MYO9A: variants seen among roughly 807,000 people sequenced by gnomAD.
MYO9A encodes the protein unconventional myosin-IXa.
MYO9A carries 103 observed loss-of-function variants against 293.3 expected under a neutral mutation model. That is an observed-to-expected ratio of 0.35 (90% CI 0.30 to 0.41). MYO9A has a LOEUF of 0.41. Ranked by LOEUF, MYO9A falls within the 10% of genes least tolerant of loss-of-function variation. The pLI is 1.00. For synonymous variants in MYO9A, 1,001 were observed against 1,035.7 expected, an observed-to-expected ratio of 0.97 and a Z score of 0.64; for missense variants, 2,685 against 3,033.0, an observed-to-expected ratio of 0.89 and a Z score of 2.69.
Position 71,826,717 on chromosome 15 carries a change from T to G in MYO9A, c.7510A>C (p.Asn2504His), listed in dbSNP as rs1049822826. Residue 2504 changes from asparagine to histidine, a missense_variant, in exon 42 of 42, where the codon AAT (asparagine) becomes CAT (histidine). By Grantham distance (68) the Asn-to-His change is moderately conservative. Around this residue, in one of 10 missense-constraint regions of MYO9A, gnomAD observed 350 missense variants for 328.9 expected, o/e 1.06. Transcript: ENST00000356056. ...GTTTTCTGAGGTGAGTTTTTCACAT[T>G]CTTTAATTTTTGTTTGCCCTTTTCC... is the stretch of plus-strand genomic sequence containing the variant. Reference protein sequence around the residue: ...NPEKGKQKLKNVKNSPQKTKE... With the variant: ...NPEKGKQKLKHVKNSPQKTKE... The G allele has an allele frequency of 6.2e-7, 1 of 1,614,168 alleles. No individual in the cohort carries two copies. Among genetic ancestry groups the G allele is most frequent in the Non-Finnish European group, 8.5e-7 (1 of 1,179,996 alleles).
chr15:71,872,485 AAC>A (rs2056545502), intron 32 of MYO9A, among the ~76,000 whole-genome samples: 1 of 152,158 alleles, frequency 6.6e-6, no homozygotes, highest in South Asian at 2.1e-4. Context: ...CTATGTTCCC[AAC>A]ACACAGAAAT....
intron 11 of MYO9A, among the ~76,000 whole-genome samples, chr15:71,980,021 CT>C (rs896686827): frequency 3.3e-5 from 5 of 150,870 alleles, no homozygotes; most frequent in East Asian, 3.9e-4. Flanking sequence ...CTACTTTTTT[CT>C]TTTTTTTTAA....
At chr15:71,942,979 T>C (rs1281968668) in intron 15 of MYO9A, among the ~76,000 whole-genome samples, 1 of 152,090 alleles carries the variant, frequency 6.6e-6, no homozygotes, top group African/African-American at 2.4e-5. Flanking sequence ...ATAATTGCTA[T>C]CATTCATATT....
At chr15:72,083,861 G>A (rs560277481) in intron 1 of MYO9A, among the ~76,000 whole-genome samples, 3 of 152,230 alleles carry the variant, frequency 2.0e-5, no homozygotes, top group African/African-American at 7.2e-5. Flanking sequence ...TGGCCCAAGA[G>A]AGTGGTTGTT....
chr15:71,920,402 G>A (rs949911157), intron 18 of MYO9A, among the ~76,000 whole-genome samples: 2 of 152,130 alleles, frequency 1.3e-5, no homozygotes, highest in Admixed American at 1.3e-4. Context: ...TAGCTGGGTA[G>A]TGGTATTAGT....
At chr15:71,916,224 C>A (rs1225821961) in intron 19 of MYO9A, 146 bp downstream of exon 19, 5 of 883,938 alleles carry the variant, frequency 5.7e-6, no homozygotes, top group South Asian at 7.1e-5. Context: ...ATCTTTGGTT[C>A]TTTTTTCCAA....
chr15:72,066,318 T>C (rs2079019942), intron 1 of MYO9A, among the ~76,000 whole-genome samples: 1 of 151,926 alleles, frequency 6.6e-6, no homozygotes. Flanking sequence ...GAAACCCGCC[T>C]CTACTAAAAC....
intron 39 of MYO9A, among the ~76,000 whole-genome samples, chr15:71,840,873 C>T (rs939867545): frequency 3.9e-5 from 6 of 152,316 alleles, no homozygotes; most frequent in Admixed American, 3.9e-4. Context: ...CCTCGTGATC[C>T]GCCCACCTCG....
chr15:72,081,190 ATATGTG>A (rs2079533424), intron 1 of MYO9A, among the ~76,000 whole-genome samples: 1 of 152,122 alleles, frequency 6.6e-6, no homozygotes, highest in Non-Finnish European at 1.5e-5. Context: ...CCAACTCTGT[ATATGTG>A]TTCCTTTTTC....
chr15:71,969,922 A>G (rs1784495739), intron 12 of MYO9A, among the ~76,000 whole-genome samples: 2 of 152,212 alleles, frequency 1.3e-5, no homozygotes, highest in South Asian at 4.1e-4. Flanking sequence ...GAGAACCTCT[A>G]GAGATTTGAA....
chr15:71,975,423 G>GTGTGTGTA (rs1386339311), intron 12 of MYO9A, among the ~76,000 whole-genome samples: 3 of 151,350 alleles, frequency 2.0e-5, no homozygotes, highest in Non-Finnish European at 4.4e-5. Flanking sequence ...GTGTGTGTGT[G>GTGTGTGTA]TGTGTAGGTT....
chr15:71,906,168 T>A (rs1346303448), intron 19 of MYO9A, among the ~76,000 whole-genome samples: 1 of 152,188 alleles, frequency 6.6e-6, no homozygotes, highest in Non-Finnish European at 1.5e-5. Flanking sequence ...CTGGTTTAAT[T>A]CTATTATAAA....
intron 15 of MYO9A, among the ~76,000 whole-genome samples, chr15:71,940,573 C>T (rs2058749152): frequency 6.6e-6 from 1 of 151,958 alleles, no homozygotes; most frequent in African/African-American, 2.4e-5. Flanking sequence ...TATAAAATGT[C>T]TACATTGAAA....
At position 71,856,573 on chromosome 15, in the gene MYO9A, C is replaced by T. The variant is rs575492690; in HGVS notation, c.6154-2004G>A. On this transcript the variant is annotated intron_variant, in intron 34 of 41. Transcript: ENST00000356056. ...AAAGGTAGGCAGAGCAAAGTGGCTA[C>T]GGAAATGAAGCTACCAGATAATTTT... Among the ~76,000 whole-genome samples, 7 of 152,142 alleles carry T rather than the reference C, an allele frequency of 4.6e-5. No homozygotes were observed. In the Middle Eastern group the frequency reaches 0.01, roughly 222 times the overall value.
chr15:72,101,481 C>G (rs1259555601), intron 1 of MYO9A, among the ~76,000 whole-genome samples: 13 of 114,388 alleles, frequency 1.1e-4, no homozygotes, highest in Non-Finnish European at 1.7e-4. Flanking sequence ...GTCAGCCCCC[C>G]GCCCGGCCAG....
intron 4 of MYO9A, among the ~76,000 whole-genome samples, chr15:72,027,247 A>C (rs2077702007): frequency 6.6e-6 from 1 of 152,240 alleles, no homozygotes; most frequent in African/African-American, 2.4e-5. Flanking sequence ...CCAATATTTG[A>C]ATGGAAGTCA....
At chr15:71,964,147 T>G (rs2075812859) in intron 13 of MYO9A, among the ~76,000 whole-genome samples, 1 of 152,170 alleles carries the variant, frequency 6.6e-6, no homozygotes, top group Non-Finnish European at 1.5e-5. Flanking sequence ...TCTATAATTT[T>G]TTTTATATTA....
At chr15:71,848,142 T>C (rs1163254492) in intron 39 of MYO9A, among the ~76,000 whole-genome samples, 1 of 151,694 alleles carries the variant, frequency 6.6e-6, no homozygotes, top group African/African-American at 2.4e-5. Context: ...GTTTTCCAGT[T>C]ATCCTGAAAA....
chr15:72,002,545 T>A (rs996920988), intron 8 of MYO9A, among the ~76,000 whole-genome samples: 1 of 151,938 alleles, frequency 6.6e-6, no homozygotes, highest in African/African-American at 2.4e-5. Flanking sequence ...AAGAAGAATA[T>A]AGAATATAGA....
Sources: gnomAD v4.1 joint callset for allele counts (sites outside exome capture counted in the v4.1 genomes callset) on GRCh38, gnomAD v4.1.1 for gene constraint, gnomAD v4.1.1 regional missense constraint, MANE v1.5 for transcripts, NCBI Gene and HGNC (gene_info 2026-07-23, HGNC 2026-07-21) for gene names.